Variants in DNAJC16 observed in about 807,000 individuals in gnomAD.
DNAJC16 encodes the protein dnaJ homolog subfamily C member 16.
A neutral mutation model predicts 92.7 loss-of-function variants in DNAJC16; 76 were observed. The ratio of observed to expected loss-of-function variants is 0.82; its 90% CI spans 0.68 to 0.99. DNAJC16 has a LOEUF of 0.99. Among genes scored for constraint, DNAJC16 ranks in the 50% least tolerant of loss-of-function variants. The pLI is 0.00. For synonymous variants in DNAJC16, 328 were observed against 358.7 expected (o/e 0.91, Z 0.97); for missense variants, 869 against 942.4 (o/e 0.92, Z 1.02).
At chr1:15,539,299 G>A (rs1223418835) in intron 4 of DNAJC16, among the ~76,000 whole-genome samples, 4 of 151,338 alleles carry the variant, frequency 2.6e-5, no homozygotes, top group African/African-American at 9.7e-5. Context: ...AGGCTGGAGT[G>A]CAGTGGTGCG....
chr1:15,549,817 CAAAAAAAAAAAAAA>C (rs777127254), intron 7 of DNAJC16, among the ~76,000 whole-genome samples: 1 of 56,372 alleles, frequency 1.8e-5, no homozygotes, highest in African/African-American at 6.1e-5. Flanking sequence ...GACTCCGTCT[CAAAAAAAAAAAAAA>C]AAAAAAAGAT....
At chr1:15,554,570 G>GT (rs1254497031) in intron 7 of DNAJC16, among the ~76,000 whole-genome samples, 1 of 151,990 alleles carries the variant, frequency 6.6e-6, no homozygotes, top group East Asian at 1.9e-4. Context: ...TCCTCACTTT[G>GT]TTTTTTAGAT....
intron 4 of DNAJC16, among the ~76,000 whole-genome samples, chr1:15,537,389 A>G (rs1459720009): frequency 2.0e-5 from 3 of 152,204 alleles, no homozygotes; most frequent in Admixed American, 1.3e-4. Flanking sequence ...GAGGGCCCAG[A>G]ACTAGCACCA....
At chr1:15,536,033 T>C (rs1370466828) in intron 3 of DNAJC16, among the ~76,000 whole-genome samples, 3 of 150,078 alleles carry the variant, frequency 2.0e-5, no homozygotes, top group African/African-American at 7.3e-5. Context: ...CACATAATCG[T>C]GTCATAATTT....
chr1:15,529,387 C>A (rs1184106081), intron 2 of DNAJC16, 115 bp downstream of exon 2: 5 of 1,071,852 alleles, frequency 4.7e-6, no homozygotes, highest in Non-Finnish European at 6.4e-6. Context: ...ATATATATAT[C>A]TGTCTAAAAT....
At position 15,528,911 on chromosome 1, in the gene DNAJC16, A is replaced by G. The variant is rs74054767; in HGVS notation, c.-18-177A>G. On this transcript the variant is annotated intron_variant, in intron 1 of 14. Transcript: ENST00000375847. ...ATCTGTAATAGTTCTCATTTGTGAT[A>G]TTCAAAAGCAGTAGCGAGATTTTTA... 6.9e-3 allele frequency among the ~76,000 whole-genome samples: 1,056 copies of G among 152,318 alleles called. 11 individuals are homozygous for G. Among genetic ancestry groups the G allele is most frequent in the African/African-American group, 0.024 (1,000 of 41,564 alleles).
intron 13 of DNAJC16, 91 bp downstream of exon 13, chr1:15,566,271 GAGA>G: frequency 8.4e-6 from 9 of 1,070,958 alleles, no homozygotes; most frequent in Non-Finnish European, 1.2e-5. Flanking sequence ...ATAGAGTGTA[GAGA>G]AGAACTCTCA....
At chr1:15,551,720 C>T (rs564190045) in intron 7 of DNAJC16, among the ~76,000 whole-genome samples, 47 of 151,758 alleles carry the variant, frequency 3.1e-4, no homozygotes, top group African/African-American at 1.1e-3. Context: ...CTCAAGTGAT[C>T]CTTCTGCCTC....
chr1:15,533,392 C>T (rs1215510343), intron 2 of DNAJC16, among the ~76,000 whole-genome samples: 3 of 152,102 alleles, frequency 2.0e-5, no homozygotes, highest in East Asian at 1.9e-4. Context: ...TTTTGGAGGC[C>T]GAGACAGGTG....
Position 15,536,746 on chromosome 1 carries a change from A to G in DNAJC16, c.506A>G (p.Asp169Gly). The G allele has an allele frequency of 6.2e-7, 1 of 1,614,172 alleles. No homozygotes were observed. The highest frequency in any genetic ancestry group is 8.5e-7 in the Non-Finnish European group (1 of 1,180,040). The change falls in exon 4 of 15, where the codon GAT (aspartate) becomes GGT (glycine). Residue 169 changes from aspartate to glycine, a missense_variant. Coordinates refer to ENST00000375847, the MANE Select transcript of DNAJC16 (RefSeq NM_015291.4). ...CCCTACCTCATCAAGATCACCTCCG[A>G]TTGGTGCTTTAGCTGCATTCATATC... ...KKPYLIKITSDWCFSCIHIEP... is the reference protein window; with the variant it reads ...KKPYLIKITSGWCFSCIHIEP...
chr1:15,549,096 A>G (rs1034622420), intron 7 of DNAJC16, among the ~76,000 whole-genome samples: 1 of 152,224 alleles, frequency 6.6e-6, no homozygotes, highest in Non-Finnish European at 1.5e-5. Context: ...AGAAACAAGT[A>G]CTATCTTGCT....
At position 15,570,967 on chromosome 1, in the gene DNAJC16, G is replaced by A. The variant is rs543790709; in HGVS notation, c.*2790G>A. 1.3e-5 allele frequency: 2 copies of A among 151,296 alleles called. No homozygotes were observed. Among genetic ancestry groups the A allele is most frequent in the South Asian group, 2.1e-4 (1 of 4,802 alleles). 9.4% of individuals were successfully genotyped at this position (151,296 alleles called of 1,614,324 possible). On this transcript the variant is annotated 3_prime_UTR_variant, in exon 15 of 15. Transcript: ENST00000375847. ...CTATGCATTGCGTTTAGCAGATGGG[G>A]TAAAACTGGCCTAAAACAAGTCTTT...
At chr1:15,558,995 A>C (rs1169113289) in intron 7 of DNAJC16, among the ~76,000 whole-genome samples, 1 of 152,318 alleles carries the variant, frequency 6.6e-6, no homozygotes, top group East Asian at 1.9e-4. Flanking sequence ...GCTAAAGTGC[A>C]GTGGCGTGAT....
At chr1:15,546,256 A>G (rs529357623) in intron 5 of DNAJC16, among the ~76,000 whole-genome samples, 37 of 152,150 alleles carry the variant, frequency 2.4e-4, no homozygotes, top group African/African-American at 7.7e-4. Context: ...TGAGGGTGCA[A>G]TGAGCCATGA....
At chr1:15,529,348 G>T in intron 2 of DNAJC16, 76 bp downstream of exon 2, 2 of 1,392,724 alleles carry the variant, frequency 1.4e-6, no homozygotes, top group Admixed American at 2.4e-5. Context: ...ATTATGACTA[G>T]CTTTTATTTG....
At chr1:15,532,147 T>G (rs1192874608) in intron 2 of DNAJC16, among the ~76,000 whole-genome samples, 1 of 152,250 alleles carries the variant, frequency 6.6e-6, no homozygotes, top group Admixed American at 6.5e-5. Context: ...ACCCAAAGAA[T>G]GGCAGATTGG....
At chr1:15,552,994 G>A (rs374471975) in intron 7 of DNAJC16, among the ~76,000 whole-genome samples, 3 of 150,132 alleles carry the variant, frequency 2.0e-5, no homozygotes, top group Admixed American at 6.6e-5. Context: ...GGTCTCGAGC[G>A]CCTGACCTCA....
intron 4 of DNAJC16, among the ~76,000 whole-genome samples, chr1:15,538,323 A>T (rs978301276): frequency 1.1e-4 from 16 of 151,902 alleles, no homozygotes; most frequent in Non-Finnish European, 1.8e-4. Flanking sequence ...TGAACCCGGG[A>T]AGCAGAGGTT....
chr1:15,542,369 AGGT>A (rs1710952848), intron 4 of DNAJC16: 1 of 152,306 alleles, frequency 6.6e-6, no homozygotes, highest in Non-Finnish European at 1.5e-5. Context: ...GAGAGTTCCC[AGGT>A]GGCTGAACAC....
Sources: allele counts gnomAD v4.1 joint callset (sites outside exome capture counted in the v4.1 genomes callset), GRCh38; gene constraint gnomAD v4.1.1; transcripts MANE v1.5; gene names NCBI Gene and HGNC (gene_info 2026-07-23, HGNC 2026-07-21).